FGD1: variants seen among roughly 807,000 people sequenced by gnomAD.
FGD1 encodes FYVE, RhoGEF and PH domain-containing protein 1.
A neutral mutation model predicts 65.0 loss-of-function variants in FGD1; 12 were observed. The ratio of observed to expected loss-of-function variants is 0.18; its 90% confidence interval spans 0.12 to 0.30. The LOEUF (loss-of-function observed/expected upper bound fraction) is 0.30, where lower values mean the gene tolerates loss of function less well. FGD1 is among the 10% of genes least tolerant of loss of function. The probability of loss-of-function intolerance (pLI) is 1.00; values close to 1 mark genes in which losing one functional copy is unlikely to be tolerated. For synonymous variants in FGD1, 333 were observed against 343.9 expected (o/e 0.97, Z 0.35); for missense variants, 542 against 837.6 (o/e 0.65, Z 4.36).
rs764910889 is a variant in FGD1, at chrX:54,477,899, C to A, written c.308-6412G>T. Among the ~76,000 whole-genome samples, 3 of 110,231 alleles carry A rather than the reference C, an allele frequency of 2.7e-5. No individual in the cohort carries two copies. In the South Asian group the frequency reaches 1.2e-3, roughly 43 times the overall value. ...CTTTAGGAGGCCGAGGTGGGTAGAT[C>A]ATGAGGTCAGGAGTTCGAGACCAGC... On this transcript the variant is annotated intron_variant, in intron 1 of 17. Transcript: ENST00000375135.
chrX:54,455,793 G>A lies in FGD1; in HGVS notation c.1843-9C>T. ...AGGAGGCGGTCGTTGAACTAGGAAG[G>A]AAAAAGTTTGGGATGTATGTGCAGA... is the stretch of plus-strand genomic sequence containing the variant. On this transcript the variant is annotated splice_polypyrimidine_tract_variant and intron_variant, in intron 10 of 17. Coordinates refer to ENST00000375135, the MANE Select transcript of FGD1 (RefSeq NM_004463.3). 5 of 1,164,334 alleles carry A rather than the reference G, an allele frequency of 4.3e-6. No homozygotes were observed. Among genetic ancestry groups the A allele is most frequent in the Non-Finnish European group, 5.8e-6 (5 of 866,283 alleles).
In FGD1 at chrX:54,446,508, GTCCCCTACTCAGGAAC is replaced by G. The variant is rs1275270932; in HGVS notation, c.2581-110_2581-95del. On this transcript the variant is annotated intron_variant, in intron 17 of 17. Coordinates refer to ENST00000375135, the MANE Select transcript of FGD1 (RefSeq NM_004463.3). ...TGGTTTTGCATATGCTCTGTCTTCA[GTCCCCTACTCAGGAAC>G]TCCCCTACTCAGGAACCTTCCGTGG... 36 of 854,628 alleles carry G rather than the reference GTCCCCTACTCAGGAAC, an allele frequency of 4.2e-5. No individual in the cohort carries two copies. In the African/African-American group the frequency reaches 4.7e-4, roughly 11 times the overall value. The allele number at this position is 854,628 out of a possible 1,213,427, so 70.4% of individuals were successfully genotyped here. A position where few individuals can be genotyped will look rare whatever the true frequency, so the allele number is the denominator to read the frequency against.
At chrX:54,495,094 G>T in intron 1 of FGD1, 32 bp downstream of exon 1, 1 of 1,160,659 alleles carries the variant, frequency 8.6e-7, no homozygotes, top group East Asian at 3.2e-5. Context: ...CCCGTGGCCC[G>T]GGCTCCCATG....
Position 54,455,720 on chromosome X carries a change from C to T in FGD1, c.1907G>A (p.Arg636Gln). 2.5e-6 allele frequency: 3 copies of T among 1,192,538 alleles called. No homozygotes were observed. Among genetic ancestry groups the T allele is most frequent in the Non-Finnish European group, 3.4e-6 (3 of 884,376 alleles). Residue 636 changes from arginine (R) to glutamine (Q), a missense_variant, in exon 11 of 18, where the codon CGG becomes CAG. Around this residue, in one of 6 missense-constraint regions of FGD1, gnomAD observed 182 missense variants for 311.4 expected, o/e 0.58. Transcript: ENST00000375135. ...LRLLGQKFSV[R>Q]ARIDVDGMEL... The stretch of plus-strand genomic sequence containing the variant: ...CATGCCATCTACATCAATGCGTGCC[C>T]GCACGCTAAACTTCTGGCCAAGGAG...
intron 8 of FGD1, among the ~76,000 whole-genome samples, chrX:54,459,336 G>A (rs1382139584): frequency 9.0e-6 from 1 of 111,500 alleles, no homozygotes; most frequent in Admixed American, 9.6e-5. Context: ...TCACTTAGGG[G>A]TTCAGGCTAG....
intron 1 of FGD1, among the ~76,000 whole-genome samples, chrX:54,483,265 G>A (rs1923194313): frequency 8.9e-6 from 1 of 111,791 alleles, no homozygotes; most frequent in African/African-American, 3.2e-5. Context: ...CCGCGCGGTG[G>A]GGGAGGGGCT....
At chrX:54,448,508 C>A (rs1278988107) in intron 16 of FGD1, among the ~76,000 whole-genome samples, 2 of 112,186 alleles carry the variant, frequency 1.8e-5, no homozygotes, top group Admixed American at 1.9e-4. Flanking sequence ...TTAAAAAAAT[C>A]CAGTGCTGCC....
intron 1 of FGD1, among the ~76,000 whole-genome samples, chrX:54,486,397 C>T (rs1450469097): frequency 9.0e-6 from 1 of 111,623 alleles, no homozygotes; most frequent in East Asian, 2.9e-4. Context: ...TACAGGCATG[C>T]GCCACCACGC....
At position 54,446,215 on chromosome X, in the gene FGD1, G is replaced by A. The variant is rs374025380; in HGVS notation, c.2780C>T (p.Pro927Leu). 46 of 1,210,339 alleles carry A rather than the reference G, an allele frequency of 3.8e-5. No individual in the cohort carries two copies. The highest frequency in any genetic ancestry group is 5.9e-5 in the East Asian group (2 of 33,761). ...GRAGRGDTFC[P>L]GPTLSEDREM... ...CCTGTCCTCAGACAGTGTGGGCCCC[G>A]GGCAGAACGTGTCCCCTCGGCCCGC... is the stretch of plus-strand genomic sequence containing the variant. Residue 927 changes from proline to leucine, a missense_variant, in exon 18 of 18, where the codon CCG (proline) becomes CTG (leucine). By Grantham distance (98) the Pro-to-Leu change is moderately conservative. This residue lies in a region of FGD1 where 182 missense variants were observed against 311.4 expected (regional missense o/e 0.58). Transcript: ENST00000375135.
chrX:54,453,602 G>A (rs1922428869), intron 12 of FGD1, among the ~76,000 whole-genome samples: 1 of 111,383 alleles, frequency 9.0e-6, no homozygotes, highest in Admixed American at 9.6e-5. Flanking sequence ...GCGAGGTCTC[G>A]TTATGTTGCC....
At chrX:54,456,451 G>A (rs996623934) in intron 9 of FGD1, 58 bp downstream of exon 9, 2 of 1,204,020 alleles carry the variant, frequency 1.7e-6, no homozygotes, top group African/African-American at 1.8e-5. Context: ...CCCACTCCAG[G>A]ATGGAGACAC....
intron 1 of FGD1, among the ~76,000 whole-genome samples, chrX:54,479,846 G>T: frequency 9.2e-6 from 1 of 108,538 alleles, no homozygotes; most frequent in African/African-American, 3.4e-5. Context: ...AATGTGAACT[G>T]CAGGCCAGCT....
intron 1 of FGD1, among the ~76,000 whole-genome samples, chrX:54,490,604 T>C (rs899125116): frequency 2.7e-5 from 3 of 110,997 alleles, no homozygotes; most frequent in African/African-American, 9.9e-5. Flanking sequence ...AAAACAAAAA[T>C]GAACCAAACC....
Position 54,491,350 on chromosome X carries a change from C to A in FGD1, c.307+3776G>T, listed in dbSNP as rs968808515. Among the ~76,000 whole-genome samples, 10 of 112,252 alleles carry A rather than the reference C, an allele frequency of 8.9e-5. No homozygotes were observed. In the Admixed American group the frequency reaches 9.5e-4, roughly 11 times the overall value. On this transcript the variant is annotated intron_variant, in intron 1 of 17. Transcript: ENST00000375135. ...TCCAATTTGAACTGCCAAATGGTAG[C>A]CATTCACGAGAGCTGAGAATAAGGG... is the stretch of plus-strand genomic sequence containing the variant.
At chrX:54,470,940 C>T (rs920268349) in intron 2 of FGD1, among the ~76,000 whole-genome samples, 180 bp from the exon 3 acceptor site, 1 of 102,031 alleles carries the variant, frequency 9.8e-6, no homozygotes, top group African/African-American at 3.7e-5. Context: ...ACTCAGGAGG[C>T]GGAGGTTGCA....
rs1922872525 is a variant in FGD1, at chrX:54,470,747, G to C, written c.495C>G (p.Pro165=). 9.2e-7 allele frequency: 1 copy of C among 1,084,234 alleles called. No individual in the cohort carries two copies. Among genetic ancestry groups the C allele is most frequent in the South Asian group, 2.1e-5 (1 of 48,302 alleles). The allele number at this position is 1,084,234 out of a possible 1,213,427, so 89.4% of individuals were successfully genotyped here. A position where few individuals can be genotyped will look rare whatever the true frequency, so the allele number is the denominator to read the frequency against. ...PGPKPQVPPK[P]SYLQMPRMPP... is the part of the protein sequence containing the mutation. ...GCATCCGGGGCATCTGCAGGTAGCT[G>C]GGCTTTGGGGGCACTGGAGAGACGA... Residue 165 remains proline (P), a synonymous_variant, in exon 3 of 18, where the codon CCC becomes CCG. Transcript: ENST00000375135.
intron 12 of FGD1, among the ~76,000 whole-genome samples, chrX:54,451,950 G>A (rs986754463): frequency 9.1e-6 from 1 of 110,278 alleles, no homozygotes; most frequent in African/African-American, 3.3e-5. Context: ...TCTTAGAAGT[G>A]AACAAGTGTT....
chrX:54,486,020 A>G (rs1245077204), intron 1 of FGD1, among the ~76,000 whole-genome samples: 5 of 109,404 alleles, frequency 4.6e-5, no homozygotes. Flanking sequence ...TGATCCACCC[A>G]CCTCGGCCTC....
chrX:54,448,633 A>G (rs1045554382), intron 16 of FGD1, among the ~76,000 whole-genome samples, 173 bp downstream of exon 16: 3 of 112,474 alleles, frequency 2.7e-5, no homozygotes, highest in Admixed American at 1.9e-4. Flanking sequence ...TTAAATGTCT[A>G]AGTACTTAAA....
Sources: gnomAD v4.1 joint callset for allele counts (sites outside exome capture counted in the v4.1 genomes callset) on GRCh38, gnomAD v4.1.1 for gene constraint, gnomAD v4.1.1 regional missense constraint, MANE v1.5 for transcripts, NCBI Gene and HGNC (gene_info 2026-07-23, HGNC 2026-07-21) for gene names.